VKORC1L1: variants seen among roughly 807,000 people sequenced by gnomAD.
VKORC1L1 encodes vitamin K epoxide reductase complex subunit 1L1.
A neutral mutation model predicts 18.9 loss-of-function variants in VKORC1L1; 2 were observed. That is an observed-to-expected ratio of 0.11 (90% CI 0.04 to 0.33). The LOEUF (loss-of-function observed/expected upper bound fraction) is 0.33, where lower values mean the gene tolerates loss of function less well. Among genes scored for constraint, VKORC1L1 ranks in the 10% least tolerant of loss-of-function variants. The pLI, the probability that VKORC1L1 is intolerant of heterozygous loss-of-function variation, is 1.00. For synonymous variants in VKORC1L1, 96 were observed against 100.0 expected (o/e 0.96, Z 0.24); for missense variants, 123 against 224.1 (o/e 0.55, Z 2.88).
chr7:65,867,039 T>C, the VKORC1L1 span, among the ~76,000 whole-genome samples: 1 of 151,514 alleles, frequency 6.6e-6, no homozygotes. Flanking sequence ...ATACAAAAAT[T>C]AGCTGGGCGT....
At chr7:65,879,493 A>G (rs982374496) in intron 1 of VKORC1L1, among the ~76,000 whole-genome samples, 2 of 152,204 alleles carry the variant, frequency 1.3e-5, no homozygotes, top group Non-Finnish European at 2.9e-5. Flanking sequence ...GAAGTCTCTC[A>G]AGAGTCCCAT....
upstream of VKORC1L1, among the ~76,000 whole-genome samples, chr7:65,870,824 A>T (rs1353418012): frequency 1.3e-5 from 2 of 152,186 alleles, no homozygotes; most frequent in Non-Finnish European, 1.5e-5. Context: ...TCTGTCATCC[A>T]GGCTGGAGTG....
At chr7:65,952,920 G>C (rs1457450270) in intron 2 of VKORC1L1, among the ~76,000 whole-genome samples, 1 of 151,350 alleles carries the variant, frequency 6.6e-6, no homozygotes, top group African/African-American at 2.4e-5. Context: ...CTTGTAGCTG[G>C]GGTTGCAAGC....
At chr7:65,897,579 C>G (rs1324338933) in intron 1 of VKORC1L1, among the ~76,000 whole-genome samples, 1 of 152,088 alleles carries the variant, frequency 6.6e-6, no homozygotes, top group East Asian at 1.9e-4. Context: ...GGTGAAAGAG[C>G]CAAACACAAA....
intron 1 of VKORC1L1, among the ~76,000 whole-genome samples, chr7:65,948,369 C>G (rs1223839291): frequency 7.0e-6 from 1 of 143,486 alleles, no homozygotes; most frequent in Non-Finnish European, 1.5e-5. Context: ...ATACTAATGC[C>G]ATTGGAAAAC....
intron 1 of VKORC1L1, among the ~76,000 whole-genome samples, chr7:65,947,135 C>CA (rs901885604): frequency 3.4e-4 from 51 of 151,834 alleles, no homozygotes; most frequent in Non-Finnish European, 2.2e-4. Flanking sequence ...CATCCTGTCT[C>CA]AAAAAAACAA....
At chr7:65,948,490 T>G (rs956184087) in intron 1 of VKORC1L1, among the ~76,000 whole-genome samples, 181 bp from the exon 2 acceptor site, 2 of 116,506 alleles carry the variant, frequency 1.7e-5, no homozygotes, top group African/African-American at 6.7e-5. Flanking sequence ...TGATTATTTC[T>G]AATCAGAAAT....
intron 1 of VKORC1L1, among the ~76,000 whole-genome samples, chr7:65,930,311 AG>A (rs1789837804): frequency 6.6e-6 from 1 of 152,198 alleles, no homozygotes; most frequent in African/African-American, 2.4e-5. Context: ...GGAGTGTAAA[AG>A]CTTTAGAGTG....
intron 1 of VKORC1L1, among the ~76,000 whole-genome samples, chr7:65,903,384 C>G (rs566113239): frequency 2.0e-5 from 3 of 152,160 alleles, no homozygotes; most frequent in Non-Finnish European, 4.4e-5. Flanking sequence ...CCAGACTGGT[C>G]TCAAACTCCT....
At chr7:65,880,643 G>A (rs1429941703) in intron 1 of VKORC1L1, among the ~76,000 whole-genome samples, 2 of 152,126 alleles carry the variant, frequency 1.3e-5, no homozygotes, top group African/African-American at 2.4e-5. Context: ...TAGCTAAAGC[G>A]CCACACAGAT....
intron 1 of VKORC1L1, among the ~76,000 whole-genome samples, chr7:65,884,578 A>G (rs1425942727): frequency 6.6e-6 from 1 of 152,192 alleles, no homozygotes; most frequent in African/African-American, 2.4e-5. Context: ...CAGAAGTTGC[A>G]GTGAGCCGAG....
intron 2 of VKORC1L1, among the ~76,000 whole-genome samples, chr7:65,950,615 A>G (rs974333363): frequency 1.3e-5 from 2 of 152,208 alleles, no homozygotes; most frequent in Non-Finnish European, 1.5e-5. Flanking sequence ...TCATAGCAGT[A>G]CAGTGTAAAA....
At chr7:65,948,240 A>T (rs2115735128) in intron 1 of VKORC1L1, among the ~76,000 whole-genome samples, 1 of 152,084 alleles carries the variant, frequency 6.6e-6, no homozygotes, top group Admixed American at 6.5e-5. Context: ...ACTGTTAGTT[A>T]TGTAATGCAC....
upstream of VKORC1L1, among the ~76,000 whole-genome samples, chr7:65,868,124 G>A (rs2116302566): frequency 1.3e-5 from 2 of 152,282 alleles, no homozygotes; most frequent in South Asian, 4.1e-4. Flanking sequence ...TGGGATTACA[G>A]GTGTCAGCCA....
intron 1 of VKORC1L1, among the ~76,000 whole-genome samples, chr7:65,903,455 G>A (rs1284448967): frequency 5.3e-5 from 8 of 152,116 alleles, no homozygotes; most frequent in Non-Finnish European, 4.4e-5. Flanking sequence ...ATGAGCCACT[G>A]TGCCCAGCCT....
At chr7:65,912,655 T>A (rs1231150552) in intron 1 of VKORC1L1, among the ~76,000 whole-genome samples, 1 of 152,156 alleles carries the variant, frequency 6.6e-6, no homozygotes, top group African/African-American at 2.4e-5. Context: ...ACTGGGCACT[T>A]AAGGCCTAGT....
intron 1 of VKORC1L1, among the ~76,000 whole-genome samples, chr7:65,883,609 C>T (rs1031466485): frequency 5.9e-5 from 9 of 152,114 alleles, no homozygotes; most frequent in Non-Finnish European, 1.0e-4. Context: ...AAGTGATTCT[C>T]CTGCCTCAGG....
At chr7:65,934,305 T>C (rs894244924) in intron 1 of VKORC1L1, among the ~76,000 whole-genome samples, 3 of 152,198 alleles carry the variant, frequency 2.0e-5, no homozygotes, top group African/African-American at 7.2e-5. Flanking sequence ...CATGATGTTA[T>C]AATTTACCAA....
intron 1 of VKORC1L1, among the ~76,000 whole-genome samples, chr7:65,873,926 T>C (rs1200878473): frequency 1.3e-5 from 2 of 151,808 alleles, no homozygotes; most frequent in African/African-American, 4.8e-5. Context: ...CTTGACAGGT[T>C]TCCTGGTTCT....
Sources: allele counts gnomAD v4.1 joint callset (sites outside exome capture counted in the v4.1 genomes callset), GRCh38; gene constraint gnomAD v4.1.1; transcripts MANE v1.5; gene names NCBI Gene and HGNC (gene_info 2026-07-23, HGNC 2026-07-21).